Variants in KDM5C observed in about 807,000 individuals in gnomAD.
KDM5C encodes the protein lysine-specific demethylase 5C.
KDM5C carries 16 observed loss-of-function variants against 110.6 expected under a neutral mutation model. That is an observed-to-expected ratio of 0.14 (90% CI 0.10 to 0.22). The LOEUF is 0.22. KDM5C is among the 10% of genes least tolerant of loss of function. The pLI, the probability that KDM5C is intolerant of heterozygous loss-of-function variation, is 1.00. For synonymous variants in KDM5C, 511 were observed against 520.4 expected, an observed-to-expected ratio of 0.98 and a Z score of 0.24; for missense variants, 681 against 1,300.9, an observed-to-expected ratio of 0.52 and a Z score of 7.33.
At chrX:53,191,985 G>A (rs1934453346), downstream of KDM5C, 1 of 175,010 alleles carries the variant, frequency 5.7e-6, no homozygotes. Flanking sequence ...GGTTAGAGTC[G>A]GGGGAGGATC....
chrX:53,212,019 T>A, intron 8 of KDM5C, 113 bp from the exon 9 acceptor site: 1 of 928,437 alleles, frequency 1.1e-6, no homozygotes, highest in Non-Finnish European at 1.5e-6. Context: ...AGGTCTGCAC[T>A]CAAGGCCCCT....
intron 12 of KDM5C, among the ~76,000 whole-genome samples, chrX:53,208,550 G>A (rs1189561205): frequency 1.1e-5 from 1 of 90,786 alleles, no homozygotes; most frequent in Non-Finnish European, 2.1e-5. Flanking sequence ...CTGTTGCCCA[G>A]GCTGGAATGC....
rs782299839 is a variant in KDM5C at position 53,192,776 on chromosome X, C to T, written c.*191G>A. On this transcript the variant is annotated 3_prime_UTR_variant, in exon 26 of 26. Transcript: ENST00000375401. ...GGAGGGAAGACTCCAGGGGCCGGCCCCCAGGAGCTGAGGTCTGAACAATAC... is the reference window on the plus strand; with the variant it reads ...GGAGGGAAGACTCCAGGGGCCGGCCTCCAGGAGCTGAGGTCTGAACAATAC... The T allele has an allele frequency of 8.6e-6, 10 of 1,157,524 alleles. No individual in the cohort carries two copies. Among genetic ancestry groups the T allele is most frequent in the Non-Finnish European group, 1.0e-5 (9 of 869,111 alleles).
At chrX:53,182,035 G>C (rs182494562) in intron 25 of KDM5C, among the ~76,000 whole-genome samples, 37 of 110,777 alleles carry the variant, frequency 3.3e-4, no homozygotes, top group African/African-American at 9.6e-4. Context: ...TGATTAGCCC[G>C]CCTCGGCCTC....
chrX:53,212,166 C>T (rs2073583552), intron 8 of KDM5C, among the ~76,000 whole-genome samples: 1 of 111,973 alleles, frequency 8.9e-6, no homozygotes, highest in African/African-American at 3.3e-5. Flanking sequence ...TTCCTCAAAA[C>T]TCAATTCCAG....
At chrX:53,178,079 A>C (rs149339599) in intron 25 of KDM5C, among the ~76,000 whole-genome samples, 1 of 109,665 alleles carries the variant, frequency 9.1e-6, no homozygotes, top group Non-Finnish European at 1.9e-5. Flanking sequence ...GCTGGCTTGA[A>C]CTCCTGGGCT....
intron 12 of KDM5C, chrX:53,202,378 A>G: frequency 5.7e-6 from 1 of 175,909 alleles, no homozygotes; most frequent in Non-Finnish European, 1.1e-5. Flanking sequence ...TCCCTTCCCC[A>G]CAGCCAATCA....
At chrX:53,204,573 T>C (rs1456065072) in intron 12 of KDM5C, among the ~76,000 whole-genome samples, 1 of 109,368 alleles carries the variant, frequency 9.1e-6, no homozygotes, top group Non-Finnish European at 1.9e-5. Flanking sequence ...CTCGGCTCAT[T>C]GTAAGCTCCG....
chrX:53,219,000 A>G (rs1166223219), intron 2 of KDM5C, among the ~76,000 whole-genome samples: 2 of 112,431 alleles, frequency 1.8e-5, no homozygotes, highest in Admixed American at 1.9e-4. Context: ...AGGTCATGTG[A>G]GTATTATCAT....
chrX:53,187,888 G>A (rs1556828615), downstream of KDM5C, among the ~76,000 whole-genome samples: 2 of 107,996 alleles, frequency 1.9e-5, no homozygotes, highest in South Asian at 4.1e-4. Flanking sequence ...GCCTCCAGGC[G>A]CCCACCACCA....
rs151323542 is a variant in KDM5C, at chrX:53,183,001, G to A, written c.4309-6379C>T. ...AATTTAGGTCATTAATCCATTTTGA[G>A]TTAATGGTATCTGGTGTGAATTAGG... is the stretch of plus-strand genomic sequence containing the variant. On this transcript the variant is annotated intron_variant, in intron 25 of 25. Transcript: ENST00000685641. 4.5e-4 allele frequency among the ~76,000 whole-genome samples: 50 copies of A among 111,067 alleles called. No individual in the cohort carries two copies. The East Asian group carries it at 4.5e-3, about 10-fold the overall frequency.
downstream of KDM5C, chrX:53,191,857 C>T (rs1339530265): frequency 5.7e-6 from 1 of 175,627 alleles, no homozygotes; most frequent in Non-Finnish European, 1.1e-5. Context: ...ACAAAAAAAT[C>T]CCTTTGGGAG....
intron 12 of KDM5C, among the ~76,000 whole-genome samples, chrX:53,207,900 G>A (rs1314587715): frequency 1.0e-5 from 1 of 100,338 alleles, no homozygotes; most frequent in African/African-American, 3.7e-5. Flanking sequence ...AGTGAGCTGA[G>A]ATCGTGAGCC....
At chrX:53,187,283 T>C (rs1461984754), downstream of KDM5C, among the ~76,000 whole-genome samples, 4 of 111,215 alleles carry the variant, frequency 3.6e-5, no homozygotes, top group African/African-American at 1.3e-4. Context: ...AAAAAGCCAC[T>C]GGACCCCCAA....
chrX:53,191,736 T>C (rs1380453270), downstream of KDM5C: 58 of 150,837 alleles, frequency 3.8e-4, no homozygotes, highest in East Asian at 4.9e-3. Flanking sequence ...TGGAAGGTTT[T>C]AAGCAGTATA....
At chrX:53,201,289 T>C in intron 14 of KDM5C, 1 of 394,719 alleles carries the variant, frequency 2.5e-6, no homozygotes, top group South Asian at 3.5e-5. Flanking sequence ...TAAGCAAACA[T>C]TATCTTTAAT....
chrX:53,221,788 G>A (rs1556854816), intron 1 of KDM5C: 2 of 946,682 alleles, frequency 2.1e-6, no homozygotes, highest in South Asian at 2.0e-5. Context: ...GTGCTGGGAT[G>A]CCTGACTGTG....
intron 12 of KDM5C, among the ~76,000 whole-genome samples, chrX:53,206,447 C>T (rs1381939796): frequency 5.4e-5 from 6 of 111,421 alleles, no homozygotes; most frequent in Non-Finnish European, 7.5e-5. Context: ...GTGAATTTTA[C>T]GGTATGTAGC....
At chrX:53,202,975 C>T (rs1002097153) in intron 12 of KDM5C, among the ~76,000 whole-genome samples, 1 of 110,677 alleles carries the variant, frequency 9.0e-6, no homozygotes, top group African/African-American at 3.3e-5. Flanking sequence ...CCTGCCACCA[C>T]GCCCGGCTAA....
Sources: allele counts gnomAD v4.1 joint callset (sites outside exome capture counted in the v4.1 genomes callset), GRCh38; gene constraint gnomAD v4.1.1; transcripts MANE v1.5; gene names NCBI Gene and HGNC (gene_info 2026-07-23, HGNC 2026-07-21).